Variants in PIGN observed in about 807,000 individuals in gnomAD.
PIGN encodes GPI ethanolamine phosphate transferase 1.
Under a neutral mutation model 125.4 loss-of-function variants are expected in PIGN, and 117 were observed. The ratio of observed to expected loss-of-function variants is 0.93; its 90% confidence interval spans 0.80 to 1.09. The LOEUF (loss-of-function observed/expected upper bound fraction) is 1.09, where lower values mean the gene tolerates loss of function less well. Ranked by LOEUF, PIGN falls within the 50% of genes least tolerant of loss-of-function variation. The pLI, the probability that PIGN is intolerant of heterozygous loss-of-function variation, is 0.00. For missense variants in PIGN, 1,075 were observed against 1,094.9 expected (o/e 0.98, Z 0.26); for synonymous variants, 392 against 377.8 (o/e 1.04, Z -0.44).
chr18:62,183,154 T>C (rs1003936221), intron 1 of PIGN, among the ~76,000 whole-genome samples: 2 of 152,172 alleles, frequency 1.3e-5, no homozygotes, highest in Admixed American at 1.3e-4. Flanking sequence ...GTTACTTAGC[T>C]AGATTTGAGC....
intron 10 of PIGN, among the ~76,000 whole-genome samples, chr18:62,144,178 T>C (rs1385172752): frequency 6.6e-6 from 1 of 152,202 alleles, no homozygotes; most frequent in African/African-American, 2.4e-5. Context: ...AATCATGTGA[T>C]TCTAAAACGT....
chr18:62,140,440 G>C lies in PIGN; in HGVS notation c.1003C>G (p.Pro335Ala), dbSNP rs755513337. The change falls in exon 12 of 31, where the codon CCC (proline) becomes GCC (alanine). Residue 335 changes from proline (P) to alanine (A), a missense_variant. This residue lies in a region of PIGN where 915 missense variants were observed against 908.7 expected (regional missense o/e 1.01). Transcript: ENST00000640252. ...CTTACCACTGAGTTAAGAGGAAAGG[G>C]AACTCCAATAAGGGAAGTCATCAAT... ...APLMTSLIGV[P>A]FPLNSVGILP... The C allele has an allele frequency of 1.4e-5, 22 of 1,542,050 alleles. No homozygotes were observed. In the South Asian group the frequency reaches 2.4e-4, roughly 17 times the overall value.
chr18:62,073,001 A>G (rs1440769655), intron 29 of PIGN, among the ~76,000 whole-genome samples: 2 of 152,208 alleles, frequency 1.3e-5, no homozygotes, highest in Non-Finnish European at 2.9e-5. Context: ...AATAAAAAAA[A>G]CTAGATAATA....
rs115618360 is a variant in PIGN, at chr18:62,081,164, T to C, written c.2576+1509A>G. On this transcript the variant is annotated intron_variant, in intron 28 of 30. Transcript: ENST00000640252. ...ACCTAATAAACAAATAAGTCATTAG[T>C]ATATATATCCACCCCCATCTTAACT... is the stretch of plus-strand genomic sequence containing the variant. 1.8e-3 allele frequency among the ~76,000 whole-genome samples: 281 copies of C among 152,214 alleles called. 2 individuals carry two copies. Among genetic ancestry groups the C allele is most frequent in the African/African-American group, 6.5e-3 (269 of 41,538 alleles).
intron 23 of PIGN, among the ~76,000 whole-genome samples, chr18:62,092,574 G>C (rs1229304904): frequency 6.9e-6 from 1 of 145,052 alleles, no homozygotes; most frequent in African/African-American, 2.4e-5. Context: ...GAAAGCCTAA[G>C]AGCCACCTAG....
intron 14 of PIGN, among the ~76,000 whole-genome samples, chr18:62,117,367 G>C (rs1385937787): frequency 4.0e-5 from 6 of 151,832 alleles, no homozygotes; most frequent in Non-Finnish European, 8.8e-5. Flanking sequence ...AAAATAAATG[G>C]GGGTTGGCAG....
chr18:62,175,746 G>A lies in PIGN; in HGVS notation c.-236+11098C>T, dbSNP rs148549121. 3.2e-4 allele frequency among the ~76,000 whole-genome samples: 48 copies of A among 152,186 alleles called. No homozygotes were observed. The East Asian group carries it at 8.7e-3, about 28-fold the overall frequency. On this transcript the variant is annotated intron_variant, in intron 1 of 30. Coordinates refer to ENST00000640252, the MANE Select transcript of PIGN (RefSeq NM_176787.5). ...TGTTCACTCATGCTCACCACCTAAC[G>A]GCATAGTGCAGTCACTTTATGATTC...
At chr18:62,051,545 A>AT (rs1178321165) in intron 30 of PIGN, among the ~76,000 whole-genome samples, 1 of 151,838 alleles carries the variant, frequency 6.6e-6, no homozygotes, top group Non-Finnish European at 1.5e-5. Flanking sequence ...ATTGGTGGTG[A>AT]TTTCCCCTTT....
At chr18:62,110,132 CT>C (rs1293184803) in intron 16 of PIGN, 159 bp from the exon 17 acceptor site, 2 of 616,652 alleles carry the variant, frequency 3.2e-6, no homozygotes, top group East Asian at 2.9e-5. Context: ...GGAAAAAAAT[CT>C]ATTATTTGAG....
At chr18:62,106,929 C>T in intron 18 of PIGN, 48 bp from the exon 19 acceptor site, 1 of 1,539,512 alleles carries the variant, frequency 6.5e-7, no homozygotes, top group Middle Eastern at 1.7e-4. Flanking sequence ...TCATTTAATA[C>T]TAGTTACAAA....
rs138003243 is a variant in PIGN, at chr18:62,026,326, GA to G, written c.2143-8586del. Among the ~76,000 whole-genome samples the G allele has an allele frequency of 1.4e-3, 210 of 147,826 alleles. 1 individual carries two copies. The East Asian group carries it at 0.024, about 17-fold the overall frequency. On this transcript the variant is annotated intron_variant, in intron 23 of 24. Coordinates refer to the PIGN transcript ENST00000639600. ...TCAACAGATAATCTGAAAGTTGGCA[GA>G]AAAAAAAAAGAACGGAGCAACCAAT...
Position 62,105,784 on chromosome 18 carries a change from A to C in PIGN, c.1768-150T>G. On this transcript the variant is annotated intron_variant, in intron 19 of 30. Coordinates refer to ENST00000640252, the MANE Select transcript of PIGN (RefSeq NM_176787.5). ...TATTTTTCAAATACTTTCTAGCAGAATCAACAGCTAACTACTTTAAAAAGT... is the reference window on the plus strand; with the variant it reads ...TATTTTTCAAATACTTTCTAGCAGACTCAACAGCTAACTACTTTAAAAAGT... The C allele has an allele frequency of 7.7e-6, 4 of 517,366 alleles. 1 individual carries two copies. The highest frequency in any genetic ancestry group is 1.4e-5 in the Non-Finnish European group (4 of 284,770). 32.0% of individuals were successfully genotyped at this position (517,366 alleles called of 1,614,324 possible).
chr18:62,161,814 G>A (rs917161313), intron 3 of PIGN, among the ~76,000 whole-genome samples: 5 of 151,876 alleles, frequency 3.3e-5, no homozygotes, highest in Admixed American at 3.3e-4. Context: ...TGCCAATAAC[G>A]GATTTTTAAT....
chr18:62,138,958 G>A (rs138039836), intron 13 of PIGN, 25 bp downstream of exon 13: 19 of 1,265,934 alleles, frequency 1.5e-5, no homozygotes, highest in African/African-American at 8.9e-5. Context: ...ATTTTTGTGC[G>A]TGCCTTTTTG....
At chr18:62,159,941 G>A (rs1220417266) in intron 4 of PIGN, among the ~76,000 whole-genome samples, 4 of 152,054 alleles carry the variant, frequency 2.6e-5, no homozygotes, top group Non-Finnish European at 4.4e-5. Flanking sequence ...GTGAAATCCC[G>A]TCTCTACCAA....
chr18:62,102,536 T>C (rs951844453), intron 21 of PIGN, among the ~76,000 whole-genome samples: 1 of 148,214 alleles, frequency 6.7e-6, no homozygotes, highest in Non-Finnish European at 1.5e-5. Context: ...CCTTTTCAGT[T>C]CAACTTTTTG....
At chr18:62,090,713 G>A (rs1310644566) in intron 23 of PIGN, 135 bp from the exon 24 acceptor site, 2 of 549,106 alleles carry the variant, frequency 3.6e-6, no homozygotes, top group Non-Finnish European at 6.4e-6. Context: ...CAAAACTTAA[G>A]AAGAAAGTAG....
At chr18:62,095,622 AAGAC>A (rs1259020775) in intron 23 of PIGN, among the ~76,000 whole-genome samples, 2 of 152,312 alleles carry the variant, frequency 1.3e-5, no homozygotes, top group East Asian at 3.9e-4. Context: ...AGAAAAGAGA[AAGAC>A]AAAGACAGCA....
At chr18:62,141,969 G>A (rs77278397) in intron 11 of PIGN, among the ~76,000 whole-genome samples, 2 of 152,092 alleles carry the variant, frequency 1.3e-5, no homozygotes, top group Non-Finnish European at 2.9e-5. Context: ...GCTAATTCCT[G>A]CTTATTCATC....
Sources: allele counts gnomAD v4.1 joint callset (sites outside exome capture counted in the v4.1 genomes callset), GRCh38; gene constraint gnomAD v4.1.1; regional missense constraint gnomAD v4.1.1; transcripts MANE v1.5; gene names NCBI Gene and HGNC (gene_info 2026-07-23, HGNC 2026-07-21).